FAM135B: variants seen among roughly 807,000 people sequenced by gnomAD.
FAM135B encodes the protein family with sequence similarity 135 member B.
FAM135B carries 43 observed loss-of-function variants against 127.7 expected under a neutral mutation model. The observed-to-expected ratio is 0.34, with a 90% CI of 0.26 to 0.43. The LOEUF (loss-of-function observed/expected upper bound fraction) is 0.43, where lower values mean the gene tolerates loss of function less well. Ranked by LOEUF, FAM135B falls within the 20% of genes least tolerant of loss-of-function variation. The pLI is 1.00. For missense variants in FAM135B, 1,558 were observed against 1,725.6 expected, an observed-to-expected ratio of 0.90 and a Z score of 1.72; for synonymous variants, 670 against 665.1, an observed-to-expected ratio of 1.01 and a Z score of -0.11.
chr8:138,412,393 T>C (rs1833916928), intron 1 of FAM135B, among the ~76,000 whole-genome samples: 2 of 152,184 alleles, frequency 1.3e-5, no homozygotes, highest in Non-Finnish European at 2.9e-5. Context: ...ACGTTTTTGT[T>C]TCAAGCTGCT....
At chr8:138,226,184 T>TGTGTGTGTGTGTGTGTGCGCGAGC in intron 7 of FAM135B, among the ~76,000 whole-genome samples, 1 of 139,202 alleles carries the variant, frequency 7.2e-6, no homozygotes, top group African/African-American at 2.7e-5. Context: ...TGTGTGTGTG[T>TGTGTGTGTGTGTGTGTGCGCGAGC]GCGCGCATGT....
intron 1 of FAM135B, among the ~76,000 whole-genome samples, chr8:138,406,339 A>AACTGGT (rs1833488242): frequency 6.6e-6 from 1 of 152,166 alleles, no homozygotes; most frequent in Non-Finnish European, 1.5e-5. Flanking sequence ...TACAGGGAGG[A>AACTGGT]ACTGGTACCA....
At chr8:138,192,660 A>G (rs1816244611) in intron 9 of FAM135B, among the ~76,000 whole-genome samples, 1 of 152,178 alleles carries the variant, frequency 6.6e-6, no homozygotes, top group Non-Finnish European at 1.5e-5. Flanking sequence ...AGTTGGACTC[A>G]TCGCCAACCC....
At chr8:138,303,927 T>C (rs1826058500) in intron 3 of FAM135B, among the ~76,000 whole-genome samples, 1 of 152,228 alleles carries the variant, frequency 6.6e-6, no homozygotes, top group African/African-American at 2.4e-5. Context: ...AGAACCTGGG[T>C]GGACTCAGGT....
At chr8:138,371,625 C>T (rs1232317699) in intron 1 of FAM135B, among the ~76,000 whole-genome samples, 1 of 152,058 alleles carries the variant, frequency 6.6e-6, no homozygotes, top group Non-Finnish European at 1.5e-5. Flanking sequence ...ACATCAGCAA[C>T]CACACCTTGG....
intron 1 of FAM135B, among the ~76,000 whole-genome samples, chr8:138,430,295 T>C (rs555985654): frequency 6.6e-6 from 1 of 152,186 alleles, no homozygotes. Flanking sequence ...GTAAGATGCT[T>C]GGTATATGCT....
At chr8:138,301,086 A>G (rs1015420106) in intron 3 of FAM135B, among the ~76,000 whole-genome samples, 1 of 152,092 alleles carries the variant, frequency 6.6e-6, no homozygotes, top group African/African-American at 2.4e-5. Flanking sequence ...GAGATCTGGG[A>G]GTCAGGATCA....
chr8:138,477,339 T>G (rs1478080021), intron 1 of FAM135B: 1 of 152,124 alleles, frequency 6.6e-6, no homozygotes, highest in Non-Finnish European at 1.5e-5. Context: ...ACCTACCAAT[T>G]CTCTTCCTTC....
intron 1 of FAM135B, among the ~76,000 whole-genome samples, chr8:138,376,065 C>T (rs2131262670): frequency 6.6e-6 from 1 of 152,236 alleles, no homozygotes; most frequent in South Asian, 2.1e-4. Context: ...ATGATCTCGG[C>T]TCACTGCAAC....
At chr8:138,394,144 C>T (rs1420400987) in intron 1 of FAM135B, among the ~76,000 whole-genome samples, 1 of 152,162 alleles carries the variant, frequency 6.6e-6, no homozygotes, top group African/African-American at 2.4e-5. Context: ...GAAGACAGAT[C>T]ACTAATTTCC....
intron 1 of FAM135B, among the ~76,000 whole-genome samples, chr8:138,396,080 C>T (rs946862983): frequency 2.6e-5 from 4 of 152,170 alleles, no homozygotes; most frequent in Admixed American, 6.5e-5. Flanking sequence ...ATCTGTGTAA[C>T]GAAAGCACAT....
At chr8:138,405,223 T>C (rs889131186) in intron 1 of FAM135B, among the ~76,000 whole-genome samples, 10 of 151,308 alleles carry the variant, frequency 6.6e-5, no homozygotes, top group Non-Finnish European at 1.2e-4. Context: ...CTTTTTTTTT[T>C]CTTCTTATTA....
chr8:138,329,212 GGAGA>G (rs908322111), intron 2 of FAM135B, among the ~76,000 whole-genome samples: 1 of 152,088 alleles, frequency 6.6e-6, no homozygotes, highest in African/African-American at 2.4e-5. Context: ...AGAGAGAAAT[GGAGA>G]GAGAGAGACG....
intron 11 of FAM135B, among the ~76,000 whole-genome samples, chr8:138,177,023 T>G (rs1371916103): frequency 6.6e-6 from 1 of 152,234 alleles, no homozygotes; most frequent in Non-Finnish European, 1.5e-5. Context: ...TGACATAGTT[T>G]GAGGCCACAC....
chr8:138,334,259 G>T (rs949699634), intron 2 of FAM135B, among the ~76,000 whole-genome samples: 1 of 152,072 alleles, frequency 6.6e-6, no homozygotes, highest in Non-Finnish European at 1.5e-5. Flanking sequence ...AGAAGGGTGG[G>T]GCTAGAATTG....
chr8:138,412,310 A>G (rs183242747), intron 1 of FAM135B, among the ~76,000 whole-genome samples: 6 of 152,358 alleles, frequency 3.9e-5, no homozygotes, highest in Non-Finnish European at 5.9e-5. Context: ...ATTGCAGCTT[A>G]GTCAGAGACT....
At chr8:138,460,243 C>T (rs796085732) in intron 1 of FAM135B, among the ~76,000 whole-genome samples, 7 of 152,266 alleles carry the variant, frequency 4.6e-5, no homozygotes, top group African/African-American at 1.7e-4. Flanking sequence ...ACATAATTTG[C>T]TTAGAGGCAC....
At chr8:138,419,637 A>C (rs1168100928) in intron 1 of FAM135B, among the ~76,000 whole-genome samples, 4 of 152,228 alleles carry the variant, frequency 2.6e-5, no homozygotes, top group Admixed American at 1.3e-4. Flanking sequence ...ATTTTTAAAA[A>C]TAAAATCATA....
At chr8:138,180,409 A>G (rs1354676759) in intron 9 of FAM135B, among the ~76,000 whole-genome samples, 1 of 152,252 alleles carries the variant, frequency 6.6e-6, no homozygotes, top group Non-Finnish European at 1.5e-5. Context: ...AGGGACACAC[A>G]GCCATAGCCA....
Sources: allele counts gnomAD v4.1 joint callset (sites outside exome capture counted in the v4.1 genomes callset), GRCh38; gene constraint gnomAD v4.1.1; transcripts MANE v1.5; gene names NCBI Gene and HGNC (gene_info 2026-07-23, HGNC 2026-07-21).